PDCD6: variants seen among roughly 807,000 people sequenced by gnomAD.
PDCD6 encodes programmed cell death 6.
A neutral mutation model predicts 28.3 loss-of-function variants in PDCD6; 12 were observed. The ratio of observed to expected loss-of-function variants is 0.42; its 90% CI spans 0.27 to 0.69. The LOEUF (loss-of-function observed/expected upper bound fraction) is 0.69. Among genes scored for constraint, PDCD6 ranks in the 30% least tolerant of loss-of-function variants. PDCD6 has a pLI of 0.22. For missense variants in PDCD6, 226 were observed against 269.9 expected (o/e 0.84, Z 1.14); for synonymous variants, 92 against 108.0 (o/e 0.85, Z 0.92).
chr5:314,318 C>T (rs1189847403), intron 5 of PDCD6, 99 bp from the exon 6 acceptor site: 18 of 790,400 alleles, frequency 2.3e-5, no homozygotes, highest in Admixed American at 7.9e-5. Flanking sequence ...GCCCAGAAGA[C>T]GTGTGTGCTT....
rs925100304 is a variant in PDCD6, at chr5:314,850, T to C, written c.*335T>C. 11 of 383,282 alleles carry C rather than the reference T, an allele frequency of 2.9e-5. No homozygotes were observed. The highest frequency in any genetic ancestry group is 8.3e-4 in the Middle Eastern group (1 of 1,208). 23.7% of individuals were successfully genotyped at this position (383,282 alleles called of 1,614,324 possible). ...TAGTGCAAATGCTTTTATTAGCCAA[T>C]AGGAATTTTAAAATAACATGGAACT... On this transcript the variant is annotated 3_prime_UTR_variant, in exon 6 of 6. Transcript: ENST00000264933.
At chr5:301,520 T>A (rs1230841434) in intron 2 of PDCD6, among the ~76,000 whole-genome samples, 1 of 152,350 alleles carries the variant, frequency 6.6e-6, no homozygotes, top group African/African-American at 2.4e-5. Context: ...TTTCAGATAC[T>A]TGTAAAGCCT....
chr5:311,554 C>T (rs6555160), intron 5 of PDCD6, 152 bp downstream of exon 5: 58,026 of 611,734 alleles, frequency 0.095, 8,013 homozygotes, highest in African/African-American at 0.5. Flanking sequence ...GAGAAGTAGC[C>T]GGTTAGTGAA....
chr5:299,760 A>G (rs576693529), intron 2 of PDCD6, among the ~76,000 whole-genome samples: 14 of 152,302 alleles, frequency 9.2e-5, no homozygotes, highest in Admixed American at 2.6e-4. Context: ...CATATTAGCC[A>G]GGATGGTCTC....
chr5:311,489 G>GC, intron 5 of PDCD6, 87 bp downstream of exon 5: 1 of 842,322 alleles, frequency 1.2e-6, no homozygotes, highest in South Asian at 1.4e-5. Context: ...AATCTAAGGA[G>GC]CTGGGCATGT....
chr5:302,204 TG>T, intron 2 of PDCD6, among the ~76,000 whole-genome samples: 1 of 111,204 alleles, frequency 9.0e-6, no homozygotes, highest in Non-Finnish European at 1.9e-5. Context: ...TGTGTGTGTG[TG>T]TGTGTGTATG....
chr5:271,811 G>A lies in PDCD6; in HGVS notation c.91G>A (p.Val31Ile). ...ALPDQSFLWNVFQRVDKDRSG... is the reference protein window; with the variant it reads ...ALPDQSFLWNIFQRVDKDRSG... ...GCCGGACCAGAGCTTCCTGTGGAAC[G>A]TTTTCCAGAGGTGCGGCCTGGCACC... Residue 31 changes from valine (V) to isoleucine (I), a missense_variant, in exon 1 of 6, where the codon GTT (valine) becomes ATT (isoleucine). Physicochemically the swap from Val to Ile is conservative, Grantham distance 29 (BLOSUM62 3). This residue lies in a region of PDCD6 where 72 missense variants were observed against 71.4 expected (regional missense o/e 1.01). Coordinates refer to ENST00000264933, the MANE Select transcript of PDCD6 (RefSeq NM_013232.4). 1 of 1,447,216 alleles carries A rather than the reference G, an allele frequency of 6.9e-7. No homozygotes were observed. Among genetic ancestry groups the A allele is most frequent in the Middle Eastern group, 2.5e-4 (1 of 3,930 alleles). The allele number at this position is 1,447,216 out of a possible 1,614,324, so 89.6% of individuals were successfully genotyped here.
chr5:307,172 C>T lies in PDCD6; in HGVS notation c.367+412C>T, dbSNP rs989619388. Among the ~76,000 whole-genome samples the T allele has an allele frequency of 7.2e-5, 11 of 151,732 alleles. No homozygotes were observed. The highest frequency in any genetic ancestry group is 2.7e-4 in the African/African-American group (11 of 41,008). ...CAGCTGTCAGTCACCAGGTCCAAAC[C>T]GTGCGCCTCAGAAGGGGCGTTAGGC... On this transcript the variant is annotated intron_variant, in intron 4 of 5. Coordinates refer to ENST00000264933, the MANE Select transcript of PDCD6 (RefSeq NM_013232.4). The surrounding 1 kb of genome is among the most constrained non-coding windows in gnomAD (Gnocchi z 6.1).
chr5:285,912 A>G lies in PDCD6; in HGVS notation c.163+13140A>G, dbSNP rs116294686. Among the ~76,000 whole-genome samples, 933 of 148,906 alleles carry G rather than the reference A, an allele frequency of 6.3e-3. 11 individuals carry two copies. The highest frequency in any genetic ancestry group is 0.023 in the African/African-American group (916 of 39,954). ...CAGCTGGAGACCCAGGGGTGAGCTG[A>G]TGTTCTACTTTGAGGGCTGTGCAGC... is the stretch of plus-strand genomic sequence containing the variant. On this transcript the variant is annotated intron_variant, in intron 2 of 5. Transcript: ENST00000264933.
intron 2 of PDCD6, among the ~76,000 whole-genome samples, chr5:278,992 A>G (rs1043645275): frequency 6.6e-6 from 1 of 152,060 alleles, no homozygotes; most frequent in Non-Finnish European, 1.5e-5. Flanking sequence ...TTTCGCGCCA[A>G]GCTAATATCT....
At chr5:312,713 G>A (rs1740998085) in intron 5 of PDCD6, among the ~76,000 whole-genome samples, 1 of 152,180 alleles carries the variant, frequency 6.6e-6, no homozygotes, top group African/African-American at 2.4e-5. Flanking sequence ...AGGAGGCTGA[G>A]GCAGGAGAAT....
chr5:302,131 CT>C, intron 2 of PDCD6, among the ~76,000 whole-genome samples: 1 of 114,704 alleles, frequency 8.7e-6, no homozygotes. Flanking sequence ...GTGCACCTGC[CT>C]TTGTGGGAAT....
intron 2 of PDCD6, among the ~76,000 whole-genome samples, chr5:299,806 C>G (rs2126745311): frequency 6.6e-6 from 1 of 152,234 alleles, no homozygotes. Flanking sequence ...GCCTTGGCCT[C>G]CCAAAGTGCT....
chr5:273,693 G>C (rs372725984), intron 2 of PDCD6, among the ~76,000 whole-genome samples: 7 of 93,404 alleles, frequency 7.5e-5, no homozygotes, highest in Non-Finnish European at 1.2e-4. Context: ...CGCTGTGGGT[G>C]GGGGGGTGCT....
At chr5:276,523 A>G in intron 2 of PDCD6, 1 of 976,894 alleles carries the variant, frequency 1.0e-6, no homozygotes, top group Non-Finnish European at 1.2e-6. Context: ...CTGGTCTCAA[A>G]CTCCTAGGCT....
chr5:294,574 T>C (rs1739488420), intron 2 of PDCD6, among the ~76,000 whole-genome samples: 2 of 152,254 alleles, frequency 1.3e-5, no homozygotes, highest in Non-Finnish European at 2.9e-5. Flanking sequence ...GCAGAGGAAC[T>C]GGGACCCTCA....
chr5:300,906 C>G (rs1376510432), intron 2 of PDCD6, among the ~76,000 whole-genome samples: 1 of 152,182 alleles, frequency 6.6e-6, no homozygotes, highest in Non-Finnish European at 1.5e-5. Context: ...CCGGTTCCTC[C>G]TGGGCCCCAG....
chr5:278,740 T>G (rs1738364628), intron 2 of PDCD6, among the ~76,000 whole-genome samples: 2 of 123,210 alleles, frequency 1.6e-5, no homozygotes, highest in Non-Finnish European at 1.7e-5. Context: ...AGAAAGAAAA[T>G]GAAAAAAAGA....
At position 307,351 on chromosome 5, in the gene PDCD6, GCGTGTGTGTGCACA is replaced by G. The variant is rs200694319; in HGVS notation, c.367+598_367+611del. Among the ~76,000 whole-genome samples the G allele has an allele frequency of 1.5e-5, 1 of 65,702 alleles. No homozygotes were observed. The highest frequency in any genetic ancestry group is 5.2e-5 in the African/African-American group (1 of 19,096). 43.1% of individuals were successfully genotyped at this position (65,702 alleles called of 152,430 possible). A position where few individuals can be genotyped will look rare whatever the true frequency, so the allele number is the denominator to read the frequency against. On this transcript the variant is annotated intron_variant, in intron 4 of 5. Transcript: ENST00000264933. The surrounding 1 kb of genome is among the most constrained non-coding windows in gnomAD (Gnocchi z 6.1). ...GGTGTGCTCGGCGTGTGTGTGCTCG[GCGTGTGTGTGCACA>G]CGTGTGCCGTGCGCCTCAGAAGGGG...
Sources: gnomAD v4.1 joint callset for allele counts (sites outside exome capture counted in the v4.1 genomes callset) on GRCh38, gnomAD v4.1.1 for gene constraint, gnomAD v4.1.1 regional missense constraint, Gnocchi (gnomAD v3.1) non-coding constraint, MANE v1.5 for transcripts, NCBI Gene and HGNC (gene_info 2026-07-23, HGNC 2026-07-21) for gene names.